Variants in SCAMP1 observed in about 807,000 individuals in gnomAD.
SCAMP1 encodes secretory carrier membrane protein 1.
Under a neutral mutation model 41.8 loss-of-function variants are expected in SCAMP1, and 15 were observed. The observed-to-expected ratio is 0.36, with a 90% confidence interval of 0.24 to 0.55. The LOEUF is 0.55. Among genes scored for constraint, SCAMP1 ranks in the 20% least tolerant of loss-of-function variants. The pLI is 0.86. For synonymous variants in SCAMP1, 135 were observed against 136.8 expected (o/e 0.99, Z 0.09); for missense variants, 341 against 412.6 (o/e 0.83, Z 1.50).
At chr5:78,424,755 C>G (rs929437685) in intron 6 of SCAMP1, among the ~76,000 whole-genome samples, 1 of 152,102 alleles carries the variant, frequency 6.6e-6, no homozygotes, top group Non-Finnish European at 1.5e-5. Flanking sequence ...AAAACCCCAA[C>G]TTGGTCCTGA....
intron 6 of SCAMP1, among the ~76,000 whole-genome samples, chr5:78,442,158 A>G (rs148418618): frequency 1.9e-3 from 291 of 152,264 alleles, no homozygotes; most frequent in African/African-American, 6.7e-3. Context: ...CATGATAAAT[A>G]GTTTCATGAT....
At position 78,464,081 on chromosome 5, in the gene SCAMP1, G is replaced by A. The variant is rs369177815; in HGVS notation, c.852+4719G>A. 4.1e-4 allele frequency among the ~76,000 whole-genome samples: 63 copies of A among 151,982 alleles called. 1 individual carries two copies. In the East Asian group the frequency reaches 7.6e-3, roughly 18 times the overall value. ...CAGCCTCCGCCTCCCGGGTTCAAGC[G>A]ATTCTCCTGACTCAGCCTCCCAAGT... On this transcript the variant is annotated intron_variant, in intron 8 of 8. Transcript: ENST00000621999.
intron 2 of SCAMP1, among the ~76,000 whole-genome samples, chr5:78,413,764 T>A (rs1752140892): frequency 6.6e-6 from 1 of 152,144 alleles, no homozygotes; most frequent in Non-Finnish European, 1.5e-5. Flanking sequence ...TGAACTACAG[T>A]TATATCTTTG....
At position 78,419,454 on chromosome 5, in the gene SCAMP1, C is replaced by T. The variant is rs144171068; in HGVS notation, c.472+551C>T. Among the ~76,000 whole-genome samples the T allele has an allele frequency of 9.0e-3, 1,374 of 152,210 alleles. 16 individuals are homozygous for T. The highest frequency in any genetic ancestry group is 0.031 in the African/African-American group (1,273 of 41,548). ...TTGTTGAACGGAACATTAGAATATA[C>T]GTTTGGGGCTCTGATGCTTACATCA... On this transcript the variant is annotated intron_variant, in intron 5 of 8. Coordinates refer to ENST00000621999, the MANE Select transcript of SCAMP1 (RefSeq NM_004866.6).
chr5:78,361,270 G>A (rs780077742), intron 1 of SCAMP1, among the ~76,000 whole-genome samples: 1 of 151,758 alleles, frequency 6.6e-6, no homozygotes, highest in Non-Finnish European at 1.5e-5. Flanking sequence ...TTTTAAACTT[G>A]TGTTGCACCC....
intron 8 of SCAMP1, among the ~76,000 whole-genome samples, chr5:78,474,811 C>CA (rs1561292702): frequency 6.6e-6 from 1 of 152,146 alleles, no homozygotes. Flanking sequence ...TTGATGGACT[C>CA]ATAGTTTAAT....
At chr5:78,433,613 C>A (rs1019113566) in intron 6 of SCAMP1, among the ~76,000 whole-genome samples, 1 of 152,118 alleles carries the variant, frequency 6.6e-6, no homozygotes, top group Non-Finnish European at 1.5e-5. Flanking sequence ...TAGAGTGAGT[C>A]CTGCTTTTCC....
chr5:78,390,519 G>T (rs1222562160), intron 2 of SCAMP1, among the ~76,000 whole-genome samples: 1 of 152,096 alleles, frequency 6.6e-6, no homozygotes, highest in Non-Finnish European at 1.5e-5. Context: ...GGTAGTAGTT[G>T]TTGAAGGGAA....
chr5:78,379,473 A>G (rs540323960), intron 1 of SCAMP1, among the ~76,000 whole-genome samples: 1 of 152,280 alleles, frequency 6.6e-6, no homozygotes, highest in South Asian at 2.1e-4. Flanking sequence ...TTCTTGGTAT[A>G]TTGTGTACAT....
At chr5:78,393,003 A>G (rs1304047336) in intron 2 of SCAMP1, among the ~76,000 whole-genome samples, 1 of 152,222 alleles carries the variant, frequency 6.6e-6, no homozygotes, top group African/African-American at 2.4e-5. Flanking sequence ...GAGGTCAAGA[A>G]GGAAGATCTT....
intron 6 of SCAMP1, among the ~76,000 whole-genome samples, chr5:78,431,533 C>T (rs548794595): frequency 8.8e-6 from 1 of 113,060 alleles, no homozygotes; most frequent in South Asian, 3.1e-4. Flanking sequence ...TTTCTTTTTG[C>T]CTTTTTTTTT....
At chr5:78,360,901 T>G in intron 1 of SCAMP1, 173 bp downstream of exon 1, 1 of 628,376 alleles carries the variant, frequency 1.6e-6, no homozygotes, top group South Asian at 1.9e-5. Flanking sequence ...TGTCACTCCT[T>G]TGGGTTTTGG....
At chr5:78,390,132 T>C (rs80032217) in intron 2 of SCAMP1, among the ~76,000 whole-genome samples, 4,876 of 152,146 alleles carry the variant, frequency 0.032, 242 homozygotes, top group African/African-American at 0.1. Context: ...GTAGGTAGTA[T>C]CAGAATTGAA....
chr5:78,399,392 C>A (rs915127257), intron 2 of SCAMP1, among the ~76,000 whole-genome samples: 1 of 152,138 alleles, frequency 6.6e-6, no homozygotes, highest in Non-Finnish European at 1.5e-5. Context: ...TAAGAAACTG[C>A]CAAACTATCT....
chr5:78,457,981 G>A (rs1753473309), intron 7 of SCAMP1: 1 of 152,662 alleles, frequency 6.6e-6, no homozygotes, highest in African/African-American at 2.4e-5. Flanking sequence ...CTTTGACTCG[G>A]AAAGGGAACT....
Position 78,438,285 on chromosome 5 carries a change from A to C in SCAMP1, c.633-11648A>C, listed in dbSNP as rs946068794. Among the ~76,000 whole-genome samples the C allele has an allele frequency of 2.0e-5, 3 of 152,098 alleles. No homozygotes were observed. The East Asian group carries it at 5.8e-4, about 29-fold the overall frequency. On this transcript the variant is annotated intron_variant, in intron 6 of 8. Coordinates refer to ENST00000621999, the MANE Select transcript of SCAMP1 (RefSeq NM_004866.6). ...TGAATGTGTTTGCTCTTGCTTCTCTAGTTCTTTTAATTGTGGTGATAGGGT... is the reference window on the plus strand; with the variant it reads ...TGAATGTGTTTGCTCTTGCTTCTCTCGTTCTTTTAATTGTGGTGATAGGGT...
Position 78,444,178 on chromosome 5 carries a change from C to T in SCAMP1, c.633-5755C>T, listed in dbSNP as rs182132738. ...GGGGCTGGTTTAGACAGTTTTGGAG[C>T]CCCCAAATAAGACAAGAAAAGCACC... On this transcript the variant is annotated intron_variant, in intron 6 of 8. Coordinates refer to ENST00000621999, the MANE Select transcript of SCAMP1 (RefSeq NM_004866.6). 5.6e-3 allele frequency among the ~76,000 whole-genome samples: 852 copies of T among 152,232 alleles called. 1 individual carries two copies. The highest frequency in any genetic ancestry group is 9.6e-3 in the Non-Finnish European group (653 of 68,014).
At chr5:78,374,213 A>G (rs754246507) in intron 1 of SCAMP1, among the ~76,000 whole-genome samples, 15 of 152,152 alleles carry the variant, frequency 9.9e-5, no homozygotes, top group Non-Finnish European at 1.6e-4. Context: ...CATGTTCTTC[A>G]TATTGCAGAA....
intron 6 of SCAMP1, among the ~76,000 whole-genome samples, chr5:78,436,251 G>A (rs1406242905): frequency 4.6e-5 from 7 of 152,120 alleles, no homozygotes; most frequent in African/African-American, 1.7e-4. Context: ...GTCTATTTTG[G>A]CTTTTGTTGC....
Sources: allele counts gnomAD v4.1 joint callset (sites outside exome capture counted in the v4.1 genomes callset), GRCh38; gene constraint gnomAD v4.1.1; transcripts MANE v1.5; gene names NCBI Gene and HGNC (gene_info 2026-07-23, HGNC 2026-07-21).